Variants in TFB1M observed in about 807,000 individuals in gnomAD.
TFB1M encodes transcription factor B1, mitochondrial.
A neutral mutation model predicts 31.1 loss-of-function variants in TFB1M; 27 were observed. The ratio of observed to expected loss-of-function variants is 0.87; its 90% confidence interval spans 0.64 to 1.20. The LOEUF (loss-of-function observed/expected upper bound fraction) is 1.20, where lower values mean the gene tolerates loss of function less well. TFB1M is among the 50% of genes most tolerant of loss of function. The pLI is 0.00. For synonymous variants in TFB1M, 166 were observed against 151.8 expected (o/e 1.09, Z -0.69); for missense variants, 394 against 418.7 (o/e 0.94, Z 0.51).
intron 5 of TFB1M, among the ~76,000 whole-genome samples, chr6:155,283,526 T>C (rs1776481722): frequency 1.3e-5 from 2 of 152,204 alleles, no homozygotes; most frequent in South Asian, 2.1e-4. Context: ...TAAATTTTAA[T>C]TGATAAACTA....
chr6:155,262,169 T>C (rs1784422972), intron 5 of TFB1M, among the ~76,000 whole-genome samples: 1 of 152,010 alleles, frequency 6.6e-6, no homozygotes, highest in South Asian at 2.1e-4. Flanking sequence ...GTGGGGTAGA[T>C]GTACTGCTAT....
chr6:155,314,136 G>A (rs1189660958), intron 1 of TFB1M, 160 bp downstream of exon 1: 4 of 1,476,934 alleles, frequency 2.7e-6, no homozygotes, highest in Admixed American at 2.2e-5. Flanking sequence ...CTCCTGGGCG[G>A]TGGGACCGGA....
At chr6:155,269,325 T>TTTC (rs1583320166) in intron 5 of TFB1M, among the ~76,000 whole-genome samples, 1 of 19,756 alleles carries the variant, frequency 5.1e-5, no homozygotes, top group Non-Finnish European at 9.1e-5. Context: ...TTTTCTTTTC[T>TTTC]TTTTTTTTTT....
intron 2 of TFB1M, among the ~76,000 whole-genome samples, chr6:155,307,018 G>A (rs561319012): frequency 6.6e-6 from 1 of 152,056 alleles, no homozygotes; most frequent in Non-Finnish European, 1.5e-5. Context: ...CTACTCAAGA[G>A]GCTGAAGTGG....
intron 5 of TFB1M, among the ~76,000 whole-genome samples, chr6:155,280,222 T>C (rs765512681): frequency 5.3e-5 from 8 of 152,230 alleles, no homozygotes; most frequent in Admixed American, 2.0e-4. Flanking sequence ...GGTAGGAAGC[T>C]AGACAGGATG....
intron 5 of TFB1M, among the ~76,000 whole-genome samples, chr6:155,270,580 C>CA (rs927704646): frequency 2.0e-5 from 3 of 151,758 alleles, no homozygotes; most frequent in African/African-American, 2.4e-5. Flanking sequence ...TTCATCAAGG[C>CA]AAAAAAATAA....
At position 155,256,494 on chromosome 6, in the gene TFB1M, G is replaced by T. The variant is rs373263173; in HGVS notation, c.*1342C>A. ...TTTTTCTCACTGTAGCTTCATCCAG[G>T]TCTTTAAAAGTCCTGAAGAATTCCT... On this transcript the variant is annotated 3_prime_UTR_variant, in exon 7 of 7. Transcript: ENST00000367166. 3.1e-6 allele frequency: 5 copies of T among 1,614,156 alleles called. No homozygotes were observed. The highest frequency in any genetic ancestry group is 4.2e-6 in the Non-Finnish European group (5 of 1,180,044).
chr6:155,268,397 C>A lies in TFB1M; in HGVS notation c.667-7997G>T, dbSNP rs541740449. Among the ~76,000 whole-genome samples the A allele has an allele frequency of 2.6e-5, 4 of 152,326 alleles. No homozygotes were observed. In the South Asian group the frequency reaches 8.3e-4, roughly 32 times the overall value. ...AGGCTTCTTTGATTAGGGTAGAGGT[C>A]TCTCTCATAAGCCTGTTACTGTGAT... On this transcript the variant is annotated intron_variant, in intron 5 of 6. Transcript: ENST00000367166.
At chr6:155,231,156 T>C in the TFB1M span, among the ~76,000 whole-genome samples, 2 of 152,194 alleles carry the variant, frequency 1.3e-5, no homozygotes, top group Non-Finnish European at 2.9e-5. Context: ...TTTCTTCCCT[T>C]ACCAGTAAAT....
At chr6:155,251,903 T>G (rs758250272), downstream of TFB1M, 19 of 1,504,658 alleles carry the variant, frequency 1.3e-5, no homozygotes, top group South Asian at 1.0e-4. Flanking sequence ...TTGGAAGAGT[T>G]TGCATAAAAT....
the TFB1M span, chr6:155,248,124 C>G: frequency 8.1e-6 from 13 of 1,614,192 alleles, no homozygotes; most frequent in Non-Finnish European, 1.1e-5. Flanking sequence ...CGCTGCTGCT[C>G]AAGGAGCTGG....
chr6:155,265,738 T>A (rs148244014), intron 5 of TFB1M, among the ~76,000 whole-genome samples: 2,489 of 140,556 alleles, frequency 0.018, 60 homozygotes, highest in African/African-American at 0.059. Flanking sequence ...AAATATATAT[T>A]ATATATAATA....
In TFB1M at chr6:155,305,206, ATT is replaced by A. The variant is rs1242327517; in HGVS notation, c.285+5980_285+5981del. 6.0e-3 allele frequency among the ~76,000 whole-genome samples: 332 copies of A among 54,950 alleles called. 11 individuals carry two copies. Among genetic ancestry groups the A allele is most frequent in the African/African-American group, 0.015 (186 of 12,376 alleles). 36.0% of individuals were successfully genotyped at this position (54,950 alleles called of 152,430 possible). On this transcript the variant is annotated intron_variant, in intron 2 of 6. Coordinates refer to ENST00000367166, the MANE Select transcript of TFB1M (RefSeq NM_016020.4). ...TATTAAATTATATATTTATATATAT[ATT>A]AAATTATATATTTATATATATATAT... is the stretch of plus-strand genomic sequence containing the variant.
chr6:155,297,973 G>C (rs1777250510), intron 3 of TFB1M, among the ~76,000 whole-genome samples: 1 of 152,222 alleles, frequency 6.6e-6, no homozygotes, highest in South Asian at 2.1e-4. Flanking sequence ...CGTTTGTTCT[G>C]AGAGTCTGTT....
intron 6 of TFB1M, 30 bp from the exon 7 acceptor site, chr6:155,258,112 A>C (rs3734322): frequency 0.62 from 999,460 of 1,612,522 alleles, 315,957 homozygotes; most frequent in East Asian, 0.98. Context: ...ACAGAAAAAT[A>C]AGAATTTTAC....
chr6:155,305,893 T>C (rs1159902156), intron 2 of TFB1M, among the ~76,000 whole-genome samples: 6 of 149,636 alleles, frequency 4.0e-5, no homozygotes, highest in African/African-American at 1.5e-4. Context: ...ATGAAACTTC[T>C]GTTCTTCAAA....
At chr6:155,268,104 C>A (rs1479434586) in intron 5 of TFB1M, among the ~76,000 whole-genome samples, 1 of 152,194 alleles carries the variant, frequency 6.6e-6, no homozygotes, top group Non-Finnish European at 1.5e-5. Flanking sequence ...TATGAACACC[C>A]TTTATCTTGA....
In TFB1M at chr6:155,257,837, TAG is replaced by T; in HGVS notation, c.1038_1039del (p.Ter347AlafsTer30). ...AGGCTGCTCGCCCCCAGGCAGCAGC[TAG>T]AGTCTGTAATTCTCTGCGTCATCCT... On this transcript the variant is annotated frameshift_variant and stop_lost, in exon 7 of 7. Transcript: ENST00000367166. LOFTEE classifies it high-confidence loss of function. 1.2e-6 allele frequency: 2 copies of T among 1,614,156 alleles called. No homozygotes were observed. The highest frequency in any genetic ancestry group is 1.7e-6 in the Non-Finnish European group (2 of 1,179,968).
At chr6:155,285,407 C>G in intron 4 of TFB1M, 130 bp from the exon 5 acceptor site, 1 of 982,866 alleles carries the variant, frequency 1.0e-6, no homozygotes, top group South Asian at 1.4e-5. Context: ...AATGGGCTAT[C>G]TGACACATGA....
Sources: allele counts gnomAD v4.1 joint callset (sites outside exome capture counted in the v4.1 genomes callset), GRCh38; gene constraint gnomAD v4.1.1; transcripts MANE v1.5; gene names NCBI Gene and HGNC (gene_info 2026-07-23, HGNC 2026-07-21).